Variants in TENM2 observed in about 807,000 individuals in gnomAD.
TENM2 encodes teneurin-2.
Under a neutral mutation model 245.2 loss-of-function variants are expected in TENM2, and 52 were observed. The ratio of observed to expected loss-of-function variants is 0.21; its 90% confidence interval spans 0.17 to 0.27. TENM2 has a LOEUF of 0.27. TENM2 is among the 10% of genes least tolerant of loss of function. The probability of loss-of-function intolerance (pLI) is 1.00; values close to 1 mark genes in which losing one functional copy is unlikely to be tolerated. For synonymous variants in TENM2, 1,363 were observed against 1,438.9 expected, an observed-to-expected ratio of 0.95 and a Z score of 1.19; for missense variants, 3,046 against 3,666.8, an observed-to-expected ratio of 0.83 and a Z score of 4.37.
chr5:168,007,028 A>G (rs1784874885), intron 5 of TENM2, among the ~76,000 whole-genome samples: 2 of 152,136 alleles, frequency 1.3e-5, no homozygotes, highest in Admixed American at 6.5e-5. Flanking sequence ...TGAAGATTGT[A>G]TGAAGTTTTA....
chr5:167,008,109 A>G, the TENM2 span, among the ~76,000 whole-genome samples: 1 of 152,184 alleles, frequency 6.6e-6, no homozygotes, highest in African/African-American at 2.4e-5. Context: ...CAGGAATGCT[A>G]TCTCAGGGTC....
At chr5:168,229,346 G>A (rs1764611561) in intron 25 of TENM2, among the ~76,000 whole-genome samples, 2 of 151,604 alleles carry the variant, frequency 1.3e-5, no homozygotes, top group Non-Finnish European at 2.9e-5. Flanking sequence ...CTTCTCAGCA[G>A]AAGTGGATTC....
the TENM2 span, among the ~76,000 whole-genome samples, chr5:167,074,464 C>T: frequency 2.6e-5 from 4 of 152,142 alleles, no homozygotes; most frequent in Non-Finnish European, 4.4e-5. Context: ...CTGGTTGAAA[C>T]AGTCACTTTA....
chr5:167,246,706 G>A, the TENM2 span, among the ~76,000 whole-genome samples: 4 of 151,984 alleles, frequency 2.6e-5, no homozygotes. Flanking sequence ...ACAGATAAAT[G>A]AGCAGTGAGA....
chr5:167,436,080 G>A (rs1230916978), intron 2 of TENM2, among the ~76,000 whole-genome samples: 4 of 146,634 alleles, frequency 2.7e-5, no homozygotes, highest in African/African-American at 1.0e-4. Context: ...CTGGGTTCAA[G>A]CGATTCTCCT....
chr5:167,329,312 G>A (rs1317062160), intron 1 of TENM2, among the ~76,000 whole-genome samples: 8 of 151,282 alleles, frequency 5.3e-5, no homozygotes, highest in Non-Finnish European at 1.2e-4. Flanking sequence ...TTGGGAGGCC[G>A]AGGCGGGCGG....
chr5:167,489,654 A>G (rs1286065790), intron 2 of TENM2, among the ~76,000 whole-genome samples: 1 of 152,048 alleles, frequency 6.6e-6, no homozygotes, highest in Non-Finnish European at 1.5e-5. Flanking sequence ...ATTCTAGACT[A>G]TATGCTTCAT....
At chr5:167,696,639 G>A (rs921884311) in intron 2 of TENM2, among the ~76,000 whole-genome samples, 5 of 152,188 alleles carry the variant, frequency 3.3e-5, no homozygotes, top group Non-Finnish European at 7.3e-5. Context: ...GGATTATGAG[G>A]CATTCTTTGA....
chr5:167,037,429 T>C, the TENM2 span, among the ~76,000 whole-genome samples: 2 of 152,234 alleles, frequency 1.3e-5, no homozygotes, highest in East Asian at 1.9e-4. Flanking sequence ...CTAAGTTCTA[T>C]GATTTGGAGA....
At chr5:168,062,315 A>G in intron 7 of TENM2, 50 bp downstream of exon 9, 2 of 1,470,822 alleles carry the variant, frequency 1.4e-6, no homozygotes, top group Non-Finnish European at 1.9e-6. Flanking sequence ...ATATACGTAT[A>G]TATGTGTGTG....
intron 2 of TENM2, among the ~76,000 whole-genome samples, chr5:167,689,524 CA>C (rs999866882): frequency 1.3e-5 from 2 of 151,994 alleles, no homozygotes; most frequent in Admixed American, 1.3e-4. Context: ...AATCTCAACA[CA>C]AAAAAATGAA....
At chr5:168,246,705 C>T in intron 26 of TENM2, 52 bp from the exon 29 acceptor site, 1 of 1,542,788 alleles carries the variant, frequency 6.5e-7, no homozygotes, top group South Asian at 1.2e-5. Context: ...TGTTTGAATG[C>T]TTGGTCCTCA....
intron 2 of TENM2, among the ~76,000 whole-genome samples, chr5:167,668,363 C>T (rs893964095): frequency 6.6e-6 from 1 of 152,106 alleles, no homozygotes; most frequent in Non-Finnish European, 1.5e-5. Flanking sequence ...CTTATGACTC[C>T]TGTGAGGGTG....
intron 1 of TENM2, among the ~76,000 whole-genome samples, chr5:167,328,443 C>T (rs959483008): frequency 4.6e-5 from 7 of 152,056 alleles, no homozygotes; most frequent in East Asian, 1.9e-4. Context: ...GATCTACCCG[C>T]GTTGGCCTCC....
chr5:167,171,040 C>T, the TENM2 span, among the ~76,000 whole-genome samples: 1 of 152,160 alleles, frequency 6.6e-6, no homozygotes, highest in African/African-American at 2.4e-5. Flanking sequence ...GTCTTTGTAG[C>T]TTCTCTCTCT....
At chr5:167,850,452 G>A (rs1241103812) in intron 2 of TENM2, among the ~76,000 whole-genome samples, 1 of 152,152 alleles carries the variant, frequency 6.6e-6, no homozygotes, top group African/African-American at 2.4e-5. Flanking sequence ...CTAGGACTTA[G>A]GTGTACTAGA....
At chr5:167,252,982 C>A in the TENM2 span, among the ~76,000 whole-genome samples, 1 of 152,012 alleles carries the variant, frequency 6.6e-6, no homozygotes, top group South Asian at 2.1e-4. Flanking sequence ...TTCTTTTGAC[C>A]GTGTGGGCAA....
At chr5:167,055,381 T>C in the TENM2 span, among the ~76,000 whole-genome samples, 4 of 152,220 alleles carry the variant, frequency 2.6e-5, no homozygotes, top group South Asian at 8.3e-4. Context: ...GGGTTATTTA[T>C]TCTGTCCCAT....
intron 4 of TENM2, among the ~76,000 whole-genome samples, chr5:167,967,757 T>A (rs1484556037): frequency 6.6e-6 from 1 of 152,242 alleles, no homozygotes; most frequent in Non-Finnish European, 1.5e-5. Flanking sequence ...TCGAAGACTC[T>A]GGGGTTAAGT....
Sources: gnomAD v4.1 joint callset for allele counts (sites outside exome capture counted in the v4.1 genomes callset) on GRCh38, gnomAD v4.1.1 for gene constraint, MANE v1.5 for transcripts, NCBI Gene and HGNC (gene_info 2026-07-23, HGNC 2026-07-21) for gene names.